The following SLC49A3 variants were observed in gnomAD, a reference collection of about 807,000 sequenced individuals.
The protein encoded by SLC49A3 is solute carrier family 49 member 3.
In SLC49A3, 50 loss-of-function variants were observed where a neutral mutation model predicts 43.8. The ratio of observed to expected loss-of-function variants is 1.14; its 90% CI spans 0.91 to 1.45. The LOEUF is 1.45. Among genes scored for constraint, SLC49A3 ranks in the 40% most tolerant of loss-of-function variants. The pLI is 0.00. For synonymous variants in SLC49A3, 413 were observed against 352.0 expected (o/e 1.17, Z -1.94); for missense variants, 906 against 774.1 (o/e 1.17, Z -2.02).
chr4:686,732 C>T (rs1456100007), intron 1 of SLC49A3, 42 bp from the exon 2 acceptor site: 13 of 1,589,074 alleles, frequency 8.2e-6, no homozygotes, highest in African/African-American at 6.7e-5. Context: ...CCACAGACCC[C>T]GGACCTACCT....
At position 685,706 on chromosome 4, in the gene SLC49A3, G is replaced by A. The variant is rs958806110; in HGVS notation, c.585+129C>T. Reference sequence around the variant, plus strand: ...GAGCGACAGGCTGAGACTCCTTCTCGGGTGGCGGGGCGGGGGACGGGAATC... The same window carrying A: ...GAGCGACAGGCTGAGACTCCTTCTCAGGTGGCGGGGCGGGGGACGGGAATC... On this transcript the variant is annotated intron_variant, in intron 4 of 9. Coordinates refer to ENST00000322224, the MANE Select transcript of SLC49A3 (RefSeq NM_032219.4). This position sits in a 1 kb window ranked among gnomAD's most constrained non-coding sequence, Gnocchi z 4.3. 2.0e-5 allele frequency: 19 copies of A among 951,736 alleles called. No individual in the cohort carries two copies. The highest frequency in any genetic ancestry group is 1.1e-4 in the Admixed American group (5 of 46,036). 59.0% of individuals were successfully genotyped at this position (951,736 alleles called of 1,614,324 possible). A position where few individuals can be genotyped will look rare whatever the true frequency, so the allele number is the denominator to read the frequency against.
intron 1 of SLC49A3, among the ~76,000 whole-genome samples, chr4:688,685 G>A (rs868853464): frequency 6.6e-6 from 1 of 152,134 alleles, no homozygotes; most frequent in Non-Finnish European, 1.5e-5. Flanking sequence ...GAGGGCCAAC[G>A]CAGGGCCACC....
chr4:678,403 CTG>C (rs940601101), downstream of SLC49A3: 1 of 1,419,604 alleles, frequency 7.0e-7, no homozygotes. Flanking sequence ...TCCCTGACCA[CTG>C]TGCTCTGTGG....
At chr4:678,403 C>T, downstream of SLC49A3, 2 of 1,419,604 alleles carry the variant, frequency 1.4e-6, no homozygotes, top group Non-Finnish European at 1.8e-6. Context: ...TCCCTGACCA[C>T]TGTGCTCTGT....
At position 685,662 on chromosome 4, in the gene SLC49A3, C is replaced by T. The variant is rs967356332; in HGVS notation, c.585+173G>A. Reference sequence around the variant, plus strand: ...CGGAGGTTGCAGTGAGCCGAGATCGCGCCACTGCAATTCAGCCTGAGCGAC... The same window carrying T: ...CGGAGGTTGCAGTGAGCCGAGATCGTGCCACTGCAATTCAGCCTGAGCGAC... On this transcript the variant is annotated intron_variant, in intron 4 of 9. Transcript: ENST00000322224. This position sits in a 1 kb window ranked among gnomAD's most constrained non-coding sequence, Gnocchi z 4.3. Among the ~76,000 whole-genome samples the T allele has an allele frequency of 5.3e-5, 8 of 152,012 alleles. No individual in the cohort carries two copies. The highest frequency in any genetic ancestry group is 1.9e-4 in the African/African-American group (8 of 41,384).
chr4:679,986 T>C (rs765034462), downstream of SLC49A3: 5 of 1,613,392 alleles, frequency 3.1e-6, no homozygotes, highest in East Asian at 8.9e-5. Flanking sequence ...AACTTCACCA[T>C]GTTTCTGAAC....
At chr4:678,900 GGGGCGGGGCAGA>G (rs2109335949), downstream of SLC49A3, 2 of 1,607,774 alleles carry the variant, frequency 1.2e-6, no homozygotes, top group East Asian at 4.5e-5. Context: ...CCGGGAGCAG[GGGGCGGGGCAGA>G]GCCCAGCCGG....
chr4:679,245 G>T, downstream of SLC49A3: 1 of 679,958 alleles, frequency 1.5e-6, no homozygotes, highest in Non-Finnish European at 2.6e-6. Context: ...AGGGTGGGTG[G>T]GACAGCCCAA....
intron 6 of SLC49A3, 89 bp from the exon 7 acceptor site, chr4:683,850 G>T: frequency 1.4e-6 from 2 of 1,425,904 alleles, no homozygotes; most frequent in Middle Eastern, 2.5e-4. Flanking sequence ...GTGTAGGGCC[G>T]TGTGCTGTGC....
chr4:676,833 G>A (rs564164349), downstream of SLC49A3: 368 of 970,236 alleles, frequency 3.8e-4, no homozygotes, highest in Non-Finnish European at 4.4e-4. Flanking sequence ...CCTTGCAGTC[G>A]GCCCCAGGTC....
rs1577353113 is a variant in SLC49A3 at position 683,488 on chromosome 4, T to G, written c.993+121A>C. On this transcript the variant is annotated intron_variant, in intron 7 of 9. Coordinates refer to ENST00000322224, the MANE Select transcript of SLC49A3 (RefSeq NM_032219.4). ...CATCCCACCCCGGGGCCACCCTGGC[T>G]GGCAGAGGCTGGGCATGAGACAGTC... 1.6e-5 allele frequency: 24 copies of G among 1,494,282 alleles called. No homozygotes were observed. The East Asian group carries it at 5.7e-4, about 35-fold the overall frequency. The allele number at this position is 1,494,282 out of a possible 1,614,324, so 92.6% of individuals were successfully genotyped here.
chr4:689,451 C>T, upstream of SLC49A3: 1 of 209,406 alleles, frequency 4.8e-6, no homozygotes, highest in Non-Finnish European at 9.5e-6. Flanking sequence ...GCAGGAAAGG[C>T]GGCCTGGAAG....
At position 683,763 on chromosome 4, in the gene SLC49A3, T is replaced by C. The variant is rs1425702560; in HGVS notation, c.841-2A>G. ...AGCGCCACAGAGGCCGGAAAACCCC[T>C]GGAGGAGGCGAGAAGAGGCCAGGGC... On this transcript the variant is annotated splice_acceptor_variant, in intron 6 of 9. Coordinates refer to ENST00000322224, the MANE Select transcript of SLC49A3 (RefSeq NM_032219.4). LOFTEE classifies it high-confidence loss of function. The C allele has an allele frequency of 2.6e-6, 4 of 1,557,982 alleles. No homozygotes were observed. The highest frequency in any genetic ancestry group is 3.5e-6 in the Non-Finnish European group (4 of 1,150,888).
downstream of SLC49A3, chr4:681,791 T>A: frequency 1.7e-6 from 2 of 1,209,696 alleles, no homozygotes. Context: ...CCCTCCCCGC[T>A]CCCCCTCCCG....
chr4:682,950 A>G, intron 8 of SLC49A3, 60 bp from the exon 9 acceptor site: 1 of 1,404,842 alleles, frequency 7.1e-7, no homozygotes, highest in Admixed American at 2.2e-5. Flanking sequence ...GCCAGGTGCC[A>G]CCTTGGGAAA....
chr4:679,152 C>A (rs1170967389), downstream of SLC49A3: 3 of 977,638 alleles, frequency 3.1e-6, no homozygotes, highest in African/African-American at 1.6e-5. Context: ...CAGAGGCCCA[C>A]CAACGGCCCT....
At chr4:680,196 G>A (rs561618620), downstream of SLC49A3, among the ~76,000 whole-genome samples, 8 of 151,268 alleles carry the variant, frequency 5.3e-5, no homozygotes, top group Non-Finnish European at 8.9e-5. Context: ...GCTCAGGCCC[G>A]CCCTCCTGCC....
Position 684,598 on chromosome 4 carries a change from A to G in SLC49A3, c.725T>C (p.Leu242Pro). ...GATGACATAGGCCTTGTTCCACATG[A>G]GCTGCTGGGAAAGAGCGTCTCAGCC... ...SEKFLDGLKL[L>P]MWNKAYVILA... is the part of the protein sequence containing the mutation. The change falls in exon 6 of 10, where the codon CTC becomes CCC. Residue 242 changes from leucine to proline, a missense_variant and splice_region_variant. By Grantham distance (98) the Leu-to-Pro change is moderately conservative. Transcript: ENST00000322224. 4 of 1,612,722 alleles carry G rather than the reference A, an allele frequency of 2.5e-6. No homozygotes were observed. The South Asian group carries it at 3.3e-5, about 13-fold the overall frequency.
chr4:682,772 G>A lies in SLC49A3; in HGVS notation c.1261+9C>T. ...CCTGTTCCCTGGGGACTCCCCATGT[G>A]AGGCTCACCTGTCCAGTCAAGTGGA... On this transcript the variant is annotated intron_variant, in intron 9 of 9. Transcript: ENST00000322224. 4 of 1,559,504 alleles carry A rather than the reference G, an allele frequency of 2.6e-6. No homozygotes were observed. The highest frequency in any genetic ancestry group is 3.5e-6 in the Non-Finnish European group (4 of 1,145,752).
Sources: allele counts gnomAD v4.1 joint callset (sites outside exome capture counted in the v4.1 genomes callset), GRCh38; gene constraint gnomAD v4.1.1; non-coding constraint Gnocchi (gnomAD v3.1); transcripts MANE v1.5; gene names NCBI Gene and HGNC (gene_info 2026-07-23, HGNC 2026-07-21).